CUL1: variants seen among roughly 807,000 people sequenced by gnomAD.
CUL1 encodes cullin-1.
In CUL1, 24 loss-of-function variants were observed where a neutral mutation model predicts 118.0. The observed-to-expected ratio is 0.20, with a 90% CI of 0.15 to 0.29. The LOEUF (loss-of-function observed/expected upper bound fraction) is 0.29, where lower values mean the gene tolerates loss of function less well. Among genes scored for constraint, CUL1 ranks in the 10% least tolerant of loss-of-function variants. CUL1 has a pLI of 1.00. For synonymous variants in CUL1, 332 were observed against 340.4 expected, an observed-to-expected ratio of 0.98 and a Z score of 0.27; for missense variants, 361 against 933.8, an observed-to-expected ratio of 0.39 and a Z score of 7.99.
At chr7:148,707,561 A>G (rs1236036546) in intron 1 of CUL1, among the ~76,000 whole-genome samples, 2 of 151,876 alleles carry the variant, frequency 1.3e-5, no homozygotes, top group Non-Finnish European at 2.9e-5. Context: ...AACGTGTGCC[A>G]TGGTGGTTTG....
At chr7:148,715,147 C>T (rs1798173683) in intron 1 of CUL1, among the ~76,000 whole-genome samples, 1 of 152,206 alleles carries the variant, frequency 6.6e-6, no homozygotes, top group Admixed American at 6.5e-5. Flanking sequence ...ATTTCTCATT[C>T]CTACCCATCA....
At position 148,800,952 on chromosome 7, in the gene CUL1, T is replaced by C. The variant is rs1448917212; in HGVS notation, c.*370T>C. ...GAGAGCAAGTCTGAGTGGACCCACA[T>C]GTAACCTGCTATGAAAACCATTTGT... On this transcript the variant is annotated 3_prime_UTR_variant, in exon 22 of 22. Coordinates refer to ENST00000325222, the MANE Select transcript of CUL1 (RefSeq NM_003592.3). The surrounding 1 kb of genome is among the most constrained non-coding windows in gnomAD (Gnocchi z 4.6). 5.7e-6 allele frequency: 1 copy of C among 176,914 alleles called. No homozygotes were observed. Among genetic ancestry groups the C allele is most frequent in the Non-Finnish European group, 1.2e-5 (1 of 84,312 alleles). The allele number at this position is 176,914 out of a possible 1,614,324, so 11.0% of individuals were successfully genotyped here.
intron 1 of CUL1, among the ~76,000 whole-genome samples, chr7:148,704,540 T>C (rs1390912653): frequency 6.6e-6 from 1 of 152,220 alleles, no homozygotes; most frequent in Non-Finnish European, 1.5e-5. Context: ...ATTTAACTAA[T>C]ACCCTCTTAA....
chr7:148,799,467 T>C (rs1584828832), intron 21 of CUL1, 79 bp downstream of exon 21: 1 of 971,072 alleles, frequency 1.0e-6, no homozygotes, highest in African/African-American at 1.6e-5. Context: ...GATTGATTGC[T>C]GTAGCATGAA....
intron 7 of CUL1, 102 bp downstream of exon 7, chr7:148,760,598 G>C (rs1799797014): frequency 2.4e-6 from 2 of 827,852 alleles, no homozygotes; most frequent in African/African-American, 3.5e-5. Context: ...GTCATTTGTT[G>C]GGCATTGTTT....
At chr7:148,774,196 T>A (rs530395867) in intron 9 of CUL1, among the ~76,000 whole-genome samples, 1 of 152,348 alleles carries the variant, frequency 6.6e-6, no homozygotes, top group African/African-American at 2.4e-5. Context: ...TTGTAGTCAG[T>A]ACAGAGAGCT....
Position 148,768,685 on chromosome 7 carries a change from G to A in CUL1, c.1083+936G>A, listed in dbSNP as rs559044436. 4.6e-5 allele frequency among the ~76,000 whole-genome samples: 7 copies of A among 152,134 alleles called. No homozygotes were observed. In the East Asian group the frequency reaches 7.7e-4, roughly 17 times the overall value. ...CAGGCGTGAGTCGTCACGTGCGGCC[G>A]AGAAGAAAAGTTTCTAAAACACATT... On this transcript the variant is annotated intron_variant, in intron 9 of 21. Transcript: ENST00000325222.
chr7:148,756,750 A>G (rs1014116529), intron 3 of CUL1, among the ~76,000 whole-genome samples: 1 of 152,198 alleles, frequency 6.6e-6, no homozygotes, highest in African/African-American at 2.4e-5. Context: ...GTGTGTTTGC[A>G]TATTTAATAC....
chr7:148,705,501 A>G (rs1308536919), intron 1 of CUL1, among the ~76,000 whole-genome samples: 1 of 152,210 alleles, frequency 6.6e-6, no homozygotes, highest in East Asian at 1.9e-4. Context: ...TTGCACAGAA[A>G]CGTGTCACCT....
intron 17 of CUL1, among the ~76,000 whole-genome samples, chr7:148,793,744 G>A (rs1056724763): frequency 6.6e-6 from 1 of 152,178 alleles, no homozygotes; most frequent in Non-Finnish European, 1.5e-5. Context: ...GTGAATACAT[G>A]TTTTCAATTT....
At chr7:148,775,223 G>C (rs1318216590) in intron 9 of CUL1, among the ~76,000 whole-genome samples, 1 of 152,202 alleles carries the variant, frequency 6.6e-6, no homozygotes, top group Non-Finnish European at 1.5e-5. Context: ...TTAAATAACT[G>C]AGTCTTGATG....
chr7:148,728,729 A>T (rs1798663303), intron 1 of CUL1, among the ~76,000 whole-genome samples: 1 of 152,264 alleles, frequency 6.6e-6, no homozygotes, highest in Non-Finnish European at 1.5e-5. Context: ...TAAGACCCAT[A>T]GCCCAGAATA....
rs1799683256 is a variant in CUL1, at chr7:148,757,160, T to C, written c.483+10T>C. ...ATATGAAATCTATTCGGTAAGAGTT[T>C]TGTTTTAAAACGTTTTAAATTTGTT... On this transcript the variant is annotated intron_variant, in intron 4 of 21. Transcript: ENST00000325222. The C allele has an allele frequency of 2.0e-6, 3 of 1,472,296 alleles. No homozygotes were observed. Among genetic ancestry groups the C allele is most frequent in the African/African-American group, 1.4e-5 (1 of 69,976 alleles). 91.2% of individuals were successfully genotyped at this position (1,472,296 alleles called of 1,614,324 possible).
At chr7:148,794,976 CGT>C (rs1801136406) in intron 17 of CUL1, among the ~76,000 whole-genome samples, 1 of 152,118 alleles carries the variant, frequency 6.6e-6, no homozygotes, top group Non-Finnish European at 1.5e-5. Context: ...GGATTACAGG[CGT>C]GCGCCACCAT....
Position 148,798,684 on chromosome 7 carries a change from TA to T in CUL1, c.2136+8del. 1 of 1,607,882 alleles carries T rather than the reference TA, an allele frequency of 6.2e-7. No homozygotes were observed. The highest frequency in any genetic ancestry group is 2.2e-5 in the East Asian group (1 of 44,848). On this transcript the variant is annotated splice_region_variant and intron_variant, in intron 20 of 21. Coordinates refer to ENST00000325222, the MANE Select transcript of CUL1 (RefSeq NM_003592.3). Reference sequence around the variant, plus strand: ...CCGCAAACTACTGATTCAGGTGACTTATCTGTATGCCTGTGCCAGGTGTGCT... The same window carrying T: ...CCGCAAACTACTGATTCAGGTGACTTTCTGTATGCCTGTGCCAGGTGTGCT...
chr7:148,706,177 C>T (rs1252356890), intron 1 of CUL1, among the ~76,000 whole-genome samples: 2 of 152,160 alleles, frequency 1.3e-5, no homozygotes, highest in Admixed American at 6.5e-5. Context: ...TGGATCCCAT[C>T]CGCAAGATAC....
chr7:148,757,009 T>C lies in CUL1; in HGVS notation c.342T>C (p.Ser114=). The change falls in exon 4 of 22, where the codon AGT becomes AGC. Residue 114 remains serine (S), a synonymous_variant. Transcript: ENST00000325222. ...LKDGEDLMDE[S]VLKFYTQQWE... ...ATGGAGAAGATTTGATGGATGAGAG[T>C]GTACTGAAATTCTACACTCAACAAT... 6.2e-7 allele frequency: 1 copy of C among 1,602,632 alleles called. No individual in the cohort carries two copies. The highest frequency in any genetic ancestry group is 1.1e-5 in the South Asian group (1 of 88,088).
intron 9 of CUL1, among the ~76,000 whole-genome samples, chr7:148,768,230 G>A (rs1800070989): frequency 1.3e-5 from 2 of 151,672 alleles, no homozygotes; most frequent in African/African-American, 2.4e-5. Flanking sequence ...ATTCCTGCTA[G>A]GTCATCTGTA....
intron 2 of CUL1, among the ~76,000 whole-genome samples, chr7:148,743,083 CTTA>C (rs1184648070): frequency 6.6e-6 from 1 of 152,164 alleles, no homozygotes; most frequent in Non-Finnish European, 1.5e-5. Context: ...TCCCGGGTAG[CTTA>C]TTGTTACTAA....
Sources: gnomAD v4.1 joint callset for allele counts (sites outside exome capture counted in the v4.1 genomes callset) on GRCh38, gnomAD v4.1.1 for gene constraint, Gnocchi (gnomAD v3.1) non-coding constraint, MANE v1.5 for transcripts, NCBI Gene and HGNC (gene_info 2026-07-23, HGNC 2026-07-21) for gene names.